Variants in GRID2 observed in about 807,000 individuals in gnomAD.
GRID2 encodes the protein glutamate receptor ionotropic, delta-2.
Under a neutral mutation model 114.8 loss-of-function variants are expected in GRID2, and 33 were observed. The observed-to-expected ratio is 0.29, with a 90% CI of 0.22 to 0.38. GRID2 has a LOEUF of 0.38. Ranked by LOEUF, GRID2 falls within the 10% of genes least tolerant of loss-of-function variation. GRID2 has a pLI of 1.00. For missense variants in GRID2, 1,184 were observed against 1,257.7 expected (o/e 0.94, Z 0.89); for synonymous variants, 505 against 449.9 (o/e 1.12, Z -1.55).
chr4:93,049,363 T>C (rs1726471971), intron 2 of GRID2, among the ~76,000 whole-genome samples: 1 of 152,028 alleles, frequency 6.6e-6, no homozygotes, highest in East Asian at 1.9e-4. Context: ...GATTCAGTTA[T>C]GTCCAAAATA....
chr4:93,653,075 T>A (rs1173819919), intron 14 of GRID2, among the ~76,000 whole-genome samples: 1 of 152,150 alleles, frequency 6.6e-6, no homozygotes, highest in Non-Finnish European at 1.5e-5. Flanking sequence ...GATTATTAGT[T>A]GTCTGAGAGC....
In GRID2 at chr4:92,410,553, G is replaced by C. The variant is rs79743347; in HGVS notation, c.88+105809G>C. 5.7e-3 allele frequency among the ~76,000 whole-genome samples: 874 copies of C among 152,258 alleles called. 5 individuals are homozygous for C. The highest frequency in any genetic ancestry group is 8.5e-3 in the Non-Finnish European group (580 of 68,014). On this transcript the variant is annotated intron_variant, in intron 1 of 15. Coordinates refer to ENST00000282020, the MANE Select transcript of GRID2 (RefSeq NM_001510.4). The stretch of plus-strand genomic sequence containing the variant: ...TTCACAGAGCTAACATTCTACTAGA[G>C]ATACAGTTTTCATACAGAAGCAACA...
intron 8 of GRID2, among the ~76,000 whole-genome samples, chr4:93,313,507 A>T (rs1756247130): frequency 6.6e-6 from 1 of 152,194 alleles, no homozygotes; most frequent in Non-Finnish European, 1.5e-5. Flanking sequence ...TTCATTGTTA[A>T]CAACAGCTCT....
chr4:93,476,058 GAA>G (rs1377190065), intron 11 of GRID2, among the ~76,000 whole-genome samples: 1 of 151,966 alleles, frequency 6.6e-6, no homozygotes, highest in Admixed American at 6.6e-5. Flanking sequence ...AGTATAAAAA[GAA>G]AAGAGAATAA....
chr4:92,658,812 TATATATAC>T (rs199797676), intron 2 of GRID2, among the ~76,000 whole-genome samples: 35,717 of 127,172 alleles, frequency 0.28, 5,526 homozygotes, highest in South Asian at 0.34. Flanking sequence ...TATATATATA[TATATATAC>T]ACACACACAA....
intron 8 of GRID2, among the ~76,000 whole-genome samples, chr4:93,364,148 C>T (rs2149279573): frequency 6.6e-6 from 1 of 152,182 alleles, no homozygotes; most frequent in East Asian, 1.9e-4. Context: ...TTTCAACTGA[C>T]ATCTGCTGCT....
intron 2 of GRID2, among the ~76,000 whole-genome samples, chr4:92,785,845 CTT>C (rs377535327): frequency 1.4e-3 from 212 of 151,752 alleles, no homozygotes; most frequent in Non-Finnish European, 2.4e-3. Context: ...TTAAAAAAAA[CTT>C]TTTTTAAAAC....
At chr4:92,359,292 C>A (rs796870813) in intron 1 of GRID2, among the ~76,000 whole-genome samples, 3 of 151,888 alleles carry the variant, frequency 2.0e-5, no homozygotes, top group African/African-American at 7.2e-5. Context: ...CCACTGTGAT[C>A]AAAAAGATTG....
At chr4:92,833,038 T>G (rs1742225350) in intron 2 of GRID2, among the ~76,000 whole-genome samples, 1 of 152,168 alleles carries the variant, frequency 6.6e-6, no homozygotes, top group Non-Finnish European at 1.5e-5. Context: ...ATAAGGCATG[T>G]CCAACAGTTG....
chr4:93,503,909 A>AT (rs1313015887), intron 12 of GRID2, among the ~76,000 whole-genome samples: 2 of 152,192 alleles, frequency 1.3e-5, no homozygotes, highest in East Asian at 3.9e-4. Flanking sequence ...CATTTGGAAA[A>AT]TGTTGAGTTA....
intron 2 of GRID2, among the ~76,000 whole-genome samples, chr4:92,760,151 A>T (rs1737921840): frequency 1.3e-5 from 2 of 148,532 alleles, no homozygotes; most frequent in African/African-American, 5.0e-5. Context: ...AGGCAGGAGA[A>T]CCACTTGAAC....
In GRID2 at chr4:93,250,171, A is replaced by T. The variant is rs189030549; in HGVS notation, c.1245+11681A>T. 7.1e-4 allele frequency among the ~76,000 whole-genome samples: 108 copies of T among 152,330 alleles called. 1 individual carries two copies. Among genetic ancestry groups the T allele is most frequent in the African/African-American group, 2.6e-3 (107 of 41,568 alleles). On this transcript the variant is annotated intron_variant, in intron 8 of 15. Coordinates refer to ENST00000282020, the MANE Select transcript of GRID2 (RefSeq NM_001510.4). Reference sequence around the variant, plus strand: ...CATGCAATACTATGCAGCCATAAAAAAGGATGAGTTCACGTCCTTTGTAGG... The same window carrying T: ...CATGCAATACTATGCAGCCATAAAATAGGATGAGTTCACGTCCTTTGTAGG...
At chr4:93,768,731 G>A (rs1733876616) in intron 14 of GRID2, among the ~76,000 whole-genome samples, 1 of 152,116 alleles carries the variant, frequency 6.6e-6, no homozygotes, top group Non-Finnish European at 1.5e-5. Flanking sequence ...GCATATGCTG[G>A]GTGACATTAC....
intron 13 of GRID2, among the ~76,000 whole-genome samples, chr4:93,615,950 T>C (rs1297380262): frequency 6.6e-6 from 1 of 152,206 alleles, no homozygotes; most frequent in Non-Finnish European, 1.5e-5. Flanking sequence ...TGTCACTCAA[T>C]GTATTTCCAA....
intron 13 of GRID2, among the ~76,000 whole-genome samples, chr4:93,566,734 C>G (rs1381768836): frequency 1.3e-5 from 2 of 151,996 alleles, no homozygotes; most frequent in Non-Finnish European, 2.9e-5. Context: ...TGCCCCTCTG[C>G]CCTCCAGCCT....
At chr4:93,637,944 C>T (rs10516932) in intron 14 of GRID2, among the ~76,000 whole-genome samples, 20,313 of 151,966 alleles carry the variant, frequency 0.13, 1,757 homozygotes, top group Non-Finnish European at 0.19. Context: ...ACATGTTAAA[C>T]GTTTACTAAT....
intron 1 of GRID2, among the ~76,000 whole-genome samples, chr4:92,578,693 T>A (rs187375804): frequency 4.7e-4 from 71 of 151,130 alleles, no homozygotes; most frequent in African/African-American, 1.6e-3. Flanking sequence ...CTGGGCAAAC[T>A]CATTTCAACA....
intron 8 of GRID2, among the ~76,000 whole-genome samples, chr4:93,357,766 CTTTAT>C (rs1761489126): frequency 6.6e-6 from 1 of 151,538 alleles, no homozygotes; most frequent in Non-Finnish European, 1.5e-5. Flanking sequence ...AGGAATCCAG[CTTTAT>C]TTTATCTGTC....
intron 8 of GRID2, among the ~76,000 whole-genome samples, chr4:93,384,039 A>C (rs2149312691): frequency 6.6e-6 from 1 of 152,260 alleles, no homozygotes; most frequent in African/African-American, 2.4e-5. Flanking sequence ...GAGGCTGAGA[A>C]GTCAAGGCAT....
Sources: gnomAD v4.1 joint callset for allele counts (sites outside exome capture counted in the v4.1 genomes callset) on GRCh38, gnomAD v4.1.1 for gene constraint, MANE v1.5 for transcripts, NCBI Gene and HGNC (gene_info 2026-07-23, HGNC 2026-07-21) for gene names.